The following GABRB1 variants were observed in gnomAD, a reference collection of about 807,000 sequenced individuals.
The protein encoded by GABRB1 is gamma-aminobutyric acid receptor subunit beta-1.
In GABRB1, 17 loss-of-function variants were observed where a neutral mutation model predicts 51.6. The ratio of observed to expected loss-of-function variants is 0.33; its 90% confidence interval spans 0.23 to 0.49. The LOEUF (loss-of-function observed/expected upper bound fraction) is 0.49, where lower values mean the gene tolerates loss of function less well. Ranked by LOEUF, GABRB1 falls within the 20% of genes least tolerant of loss-of-function variation. GABRB1 has a pLI of 0.99. For missense variants in GABRB1, 410 were observed against 600.6 expected (o/e 0.68, Z 3.32); for synonymous variants, 247 against 218.9 (o/e 1.13, Z -1.14).
chr4:47,108,570 A>C (rs1179914481), intron 3 of GABRB1, among the ~76,000 whole-genome samples: 1 of 152,052 alleles, frequency 6.6e-6, no homozygotes, highest in Non-Finnish European at 1.5e-5. Context: ...AGCTAAGGGA[A>C]TCTTCCACCT....
At chr4:47,111,578 T>A (rs1715211533) in intron 3 of GABRB1, among the ~76,000 whole-genome samples, 1 of 152,072 alleles carries the variant, frequency 6.6e-6, no homozygotes, top group South Asian at 2.1e-4. Context: ...AGAAATCCAT[T>A]GCAGGCCAAG....
chr4:47,321,838 G>C (rs1300232180), intron 5 of GABRB1, among the ~76,000 whole-genome samples: 1 of 152,060 alleles, frequency 6.6e-6, no homozygotes, highest in Non-Finnish European at 1.5e-5. Context: ...GAAATTCCAA[G>C]ACCTTATGAA....
At chr4:47,239,967 C>CT (rs1721464697) in intron 4 of GABRB1, among the ~76,000 whole-genome samples, 1 of 152,146 alleles carries the variant, frequency 6.6e-6, no homozygotes. Flanking sequence ...TTGTGTTTCA[C>CT]TTAGTAAAAT....
chr4:47,118,636 C>T (rs566709921), intron 3 of GABRB1, among the ~76,000 whole-genome samples: 59 of 152,230 alleles, frequency 3.9e-4, no homozygotes, highest in African/African-American at 1.4e-3. Context: ...CTTCCTGAAT[C>T]TTTCTTATTA....
intron 4 of GABRB1, among the ~76,000 whole-genome samples, chr4:47,319,764 T>C (rs954955892): frequency 6.6e-6 from 1 of 152,200 alleles, no homozygotes; most frequent in Non-Finnish European, 1.5e-5. Context: ...TTAATATTAG[T>C]TCTTCTCTGA....
intron 1 of GABRB1, among the ~76,000 whole-genome samples, chr4:47,026,233 C>T (rs947761552): frequency 6.6e-5 from 10 of 151,898 alleles, no homozygotes; most frequent in African/African-American, 2.4e-4. Context: ...GGTGCCCTTG[C>T]CCCAACAGTT....
chr4:47,135,364 A>C (rs142897091), intron 3 of GABRB1, among the ~76,000 whole-genome samples: 20 of 152,242 alleles, frequency 1.3e-4, no homozygotes, highest in African/African-American at 4.8e-4. Context: ...GTCATCCTTC[A>C]TGCAGATGAA....
At chr4:47,418,652 G>A (rs1427355900) in intron 8 of GABRB1, among the ~76,000 whole-genome samples, 1 of 152,170 alleles carries the variant, frequency 6.6e-6, no homozygotes, top group Non-Finnish European at 1.5e-5. Context: ...TCATTTCAAA[G>A]ATATTTATTG....
chr4:47,028,663 T>C (rs1446305786), upstream of GABRB1, among the ~76,000 whole-genome samples: 1 of 151,376 alleles, frequency 6.6e-6, no homozygotes, highest in African/African-American at 2.4e-5. Flanking sequence ...TAAAATATTG[T>C]AGATTCATTT....
At chr4:47,372,970 GGACCCACAT>G (rs1727254506) in intron 5 of GABRB1, among the ~76,000 whole-genome samples, 1 of 152,080 alleles carries the variant, frequency 6.6e-6, no homozygotes, top group African/African-American at 2.4e-5. Flanking sequence ...TCTTTCTGCT[GGACCCACAT>G]GCCCTGCAGG....
intron 1 of GABRB1, among the ~76,000 whole-genome samples, chr4:47,008,852 C>CTTTTT (rs777676653): frequency 0.011 from 598 of 56,484 alleles, 289 homozygotes; most frequent in South Asian, 0.015. Context: ...TCAGATACTA[C>CTTTTT]CTTTTTTTTT....
At chr4:47,061,846 G>A (rs1726857281) in intron 3 of GABRB1, among the ~76,000 whole-genome samples, 1 of 152,106 alleles carries the variant, frequency 6.6e-6, no homozygotes, top group Non-Finnish European at 1.5e-5. Context: ...TGTGATGTGA[G>A]CTGTTTTTCC....
intron 4 of GABRB1, among the ~76,000 whole-genome samples, chr4:47,174,663 T>C (rs994527898): frequency 1.3e-5 from 2 of 152,172 alleles, no homozygotes; most frequent in Non-Finnish European, 2.9e-5. Flanking sequence ...GGATTCTAAA[T>C]GCATTTTTAA....
intron 4 of GABRB1, among the ~76,000 whole-genome samples, chr4:47,209,779 A>G (rs1018787754): frequency 2.7e-5 from 4 of 150,934 alleles, no homozygotes; most frequent in African/African-American, 9.8e-5. Flanking sequence ...TTATTTACTG[A>G]TTATAACAGG....
intron 5 of GABRB1, among the ~76,000 whole-genome samples, chr4:47,379,399 G>T (rs1250048350): frequency 2.0e-5 from 3 of 152,080 alleles, no homozygotes; most frequent in African/African-American, 7.2e-5. Context: ...AATTACCTAG[G>T]ATATTCAACA....
intron 4 of GABRB1, among the ~76,000 whole-genome samples, chr4:47,265,839 G>A (rs1033176547): frequency 6.6e-6 from 1 of 152,010 alleles, no homozygotes; most frequent in African/African-American, 2.4e-5. Flanking sequence ...TCTAGTTCTA[G>A]ATATTAGTTC....
intron 4 of GABRB1, among the ~76,000 whole-genome samples, chr4:47,205,356 A>G (rs1720073527): frequency 6.6e-6 from 1 of 152,180 alleles, no homozygotes; most frequent in Non-Finnish European, 1.5e-5. Flanking sequence ...ATTAAGTCAC[A>G]TATTTAGATT....
intron 3 of GABRB1, among the ~76,000 whole-genome samples, chr4:47,129,103 G>C (rs1004666735): frequency 6.6e-6 from 1 of 152,068 alleles, no homozygotes; most frequent in African/African-American, 2.4e-5. Context: ...GCATTTAAGA[G>C]ATTAAGATTG....
At chr4:47,166,382 C>T (rs1222027647) in intron 4 of GABRB1, among the ~76,000 whole-genome samples, 1 of 151,948 alleles carries the variant, frequency 6.6e-6, no homozygotes, top group Non-Finnish European at 1.5e-5. Context: ...CTTCTTCCTC[C>T]TCTTCCTCAG....
Sources: gnomAD v4.1 joint callset for allele counts (sites outside exome capture counted in the v4.1 genomes callset) on GRCh38, gnomAD v4.1.1 for gene constraint, MANE v1.5 for transcripts, NCBI Gene and HGNC (gene_info 2026-07-23, HGNC 2026-07-21) for gene names.